KNTC1: variants seen among roughly 807,000 people sequenced by gnomAD.
KNTC1 encodes kinetochore associated 1.
KNTC1 carries 253 observed loss-of-function variants against 314.4 expected under a neutral mutation model. The ratio of observed to expected loss-of-function variants is 0.80; its 90% CI spans 0.73 to 0.89. The LOEUF (loss-of-function observed/expected upper bound fraction) is 0.89. Among genes scored for constraint, KNTC1 ranks in the 40% least tolerant of loss-of-function variants. KNTC1 has a pLI of 0.00. For missense variants in KNTC1, 2,475 were observed against 2,572.9 expected (o/e 0.96, Z 0.82); for synonymous variants, 901 against 901.4 (o/e 1.00, Z 0.01).
intron 33 of KNTC1, among the ~76,000 whole-genome samples, chr12:122,581,535 C>T (rs1868391612): frequency 2.6e-5 from 4 of 151,234 alleles, no homozygotes; most frequent in Admixed American, 2.6e-4. Flanking sequence ...CACTCTGTTG[C>T]CCAGGCTGGA....
At chr12:122,539,842 C>T (rs1472011608) in intron 5 of KNTC1, 88 bp downstream of exon 5, 10 of 814,364 alleles carry the variant, frequency 1.2e-5, no homozygotes, top group Middle Eastern at 3.8e-4. Flanking sequence ...AGTGCAGTGG[C>T]GCAATCTCAG....
chr12:122,595,064 TG>T (rs1318031929), intron 43 of KNTC1, among the ~76,000 whole-genome samples: 1 of 152,056 alleles, frequency 6.6e-6, no homozygotes, highest in Non-Finnish European at 1.5e-5. Context: ...TTAATAGAGA[TG>T]GGGTTTCACC....
chr12:122,547,376 A>G (rs74554972), intron 10 of KNTC1, 39 bp from the exon 11 acceptor site: 10 of 1,183,244 alleles, frequency 8.5e-6, no homozygotes, highest in Non-Finnish European at 1.2e-5. Flanking sequence ...ACTCTGTCTC[A>G]AAAAAAAAGG....
intron 12 of KNTC1, 110 bp downstream of exon 12, chr12:122,548,079 A>G (rs1230530865): frequency 8.5e-6 from 5 of 590,076 alleles, no homozygotes; most frequent in African/African-American, 7.9e-5. Flanking sequence ...TAGTTCACAC[A>G]GAAACTTGAC....
In KNTC1 at chr12:122,615,058, T is replaced by A. The variant is rs1395569241; in HGVS notation, c.5945T>A (p.Leu1982His). Residue 1982 changes from leucine (L) to histidine (H), a missense_variant, in exon 56 of 64, where the codon CTC becomes CAC. Leu to His is a moderately conservative substitution (Grantham distance 99). Transcript: ENST00000333479. ...TATGACCTGCAGCTTTGGAATGGACTCTTGCAAAAGCTTCTGGGCTTCAAT... is the reference window on the plus strand; with the variant it reads ...TATGACCTGCAGCTTTGGAATGGACACTTGCAAAAGCTTCTGGGCTTCAAT... ...KIYDLQLWNG[L>H]LQKLLGFNMI... 1 of 1,613,144 alleles carries A rather than the reference T, an allele frequency of 6.2e-7. No individual in the cohort carries two copies. Among genetic ancestry groups the A allele is most frequent in the Non-Finnish European group, 8.5e-7 (1 of 1,179,476 alleles).
chr12:122,609,219 C>A (rs1386631943), intron 51 of KNTC1, 165 bp from the exon 52 acceptor site: 2 of 615,856 alleles, frequency 3.2e-6, no homozygotes, highest in Admixed American at 3.1e-5. Flanking sequence ...TATGAGTAGA[C>A]CCATCAGTTA....
At chr12:122,612,713 C>T (rs1251424306) in intron 53 of KNTC1, among the ~76,000 whole-genome samples, 1 of 152,206 alleles carries the variant, frequency 6.6e-6, no homozygotes, top group African/African-American at 2.4e-5. Context: ...CCACTGTGCC[C>T]GGCCACCTCT....
intron 40 of KNTC1, among the ~76,000 whole-genome samples, chr12:122,589,747 C>A (rs532381348): frequency 2.7e-5 from 4 of 149,170 alleles, no homozygotes; most frequent in Non-Finnish European, 4.4e-5. Context: ...GCTGAAAGTA[C>A]AGGCATGATA....
At chr12:122,604,690 C>G in intron 49 of KNTC1, 53 bp downstream of exon 49, 1 of 1,348,992 alleles carries the variant, frequency 7.4e-7, no homozygotes, top group Non-Finnish European at 1.1e-6. Flanking sequence ...TTAAATTGTA[C>G]TAGCTTAATT....
rs1269171718 is a variant in KNTC1, at chr12:122,579,768, A to C, written c.2842-137A>C. On this transcript the variant is annotated intron_variant, in intron 31 of 63. Coordinates refer to ENST00000333479, the MANE Select transcript of KNTC1 (RefSeq NM_014708.6). ...GGTCTACCCTGTATAACGCTCATTA[A>C]CCATCCATTTCTCAGCTGCCCAACT... 6 of 627,300 alleles carry C rather than the reference A, an allele frequency of 9.6e-6. No individual in the cohort carries two copies. In the East Asian group the frequency reaches 1.4e-4, roughly 14 times the overall value. 38.9% of individuals were successfully genotyped at this position (627,300 alleles called of 1,614,324 possible). A position where few individuals can be genotyped will look rare whatever the true frequency, so the allele number is the denominator to read the frequency against.
intron 55 of KNTC1, 74 bp from the exon 56 acceptor site, chr12:122,614,917 C>T: frequency 1.0e-6 from 1 of 1,004,384 alleles, no homozygotes; most frequent in Non-Finnish European, 1.5e-6. Context: ...TATTAAGCTG[C>T]CCTACTTTTC....
At chr12:122,562,824 A>C (rs1213192800) in intron 20 of KNTC1, 125 bp downstream of exon 20, 1 of 580,292 alleles carries the variant, frequency 1.7e-6, no homozygotes, top group African/African-American at 1.9e-5. Context: ...AGCCTGGCCA[A>C]CATGGCAAAA....
chr12:122,576,670 ACT>A (rs1464661674), intron 29 of KNTC1, among the ~76,000 whole-genome samples: 3 of 151,888 alleles, frequency 2.0e-5, no homozygotes, highest in African/African-American at 4.8e-5. Context: ...ACAGAGGGAG[ACT>A]CTGTCTCAAA....
chr12:122,587,092 C>T (rs1869454794), intron 38 of KNTC1, among the ~76,000 whole-genome samples: 1 of 152,220 alleles, frequency 6.6e-6, no homozygotes, highest in South Asian at 2.1e-4. Flanking sequence ...GCTGGGATTA[C>T]AGGCGTGAGC....
At chr12:122,532,312 G>A (rs554609100) in intron 2 of KNTC1, among the ~76,000 whole-genome samples, 19 of 148,978 alleles carry the variant, frequency 1.3e-4, no homozygotes, top group Non-Finnish European at 1.9e-4. Flanking sequence ...GGGTTCAAGC[G>A]ATTCTTCTGC....
intron 62 of KNTC1, among the ~76,000 whole-genome samples, chr12:122,624,186 G>A (rs1438531406): frequency 2.0e-5 from 3 of 152,156 alleles, no homozygotes; most frequent in African/African-American, 7.2e-5. Context: ...GCCCCAAATT[G>A]GAATTATTTC....
intron 53 of KNTC1, among the ~76,000 whole-genome samples, chr12:122,612,667 C>T (rs570932438): frequency 1.3e-5 from 2 of 152,230 alleles, no homozygotes; most frequent in East Asian, 1.9e-4. Flanking sequence ...ATCCACCCGC[C>T]TCGGCCTCCC....
At chr12:122,565,564 T>C (rs1276205128) in intron 20 of KNTC1, among the ~76,000 whole-genome samples, 1 of 152,008 alleles carries the variant, frequency 6.6e-6, no homozygotes, top group Non-Finnish European at 1.5e-5. Context: ...TATGTCTGTT[T>C]GGAAAAATAT....
At chr12:122,619,288 G>A (rs979305033) in intron 59 of KNTC1, among the ~76,000 whole-genome samples, 1 of 151,186 alleles carries the variant, frequency 6.6e-6, no homozygotes, top group Non-Finnish European at 1.5e-5. Flanking sequence ...GAGCCATCCC[G>A]TGAGTAGCTG....
Sources: allele counts gnomAD v4.1 joint callset (sites outside exome capture counted in the v4.1 genomes callset), GRCh38; gene constraint gnomAD v4.1.1; transcripts MANE v1.5; gene names NCBI Gene and HGNC (gene_info 2026-07-23, HGNC 2026-07-21).